LRRC4C: variants seen among roughly 807,000 people sequenced by gnomAD.
LRRC4C encodes the protein leucine rich repeat containing 4C.
A neutral mutation model predicts 33.6 loss-of-function variants in LRRC4C; 5 were observed. The ratio of observed to expected loss-of-function variants is 0.15; its 90% CI spans 0.08 to 0.31. The LOEUF (loss-of-function observed/expected upper bound fraction) is 0.31, where lower values mean the gene tolerates loss of function less well. Among genes scored for constraint, LRRC4C ranks in the 10% least tolerant of loss-of-function variants. The pLI is 1.00. For synonymous variants in LRRC4C, 329 were observed against 302.0 expected (o/e 1.09, Z -0.93); for missense variants, 560 against 796.7 (o/e 0.70, Z 3.58).
At chr11:40,666,113 G>C (rs1191380311) in intron 2 of LRRC4C, among the ~76,000 whole-genome samples, 2 of 151,822 alleles carry the variant, frequency 1.3e-5, no homozygotes, top group Admixed American at 6.6e-5. Context: ...AATGTTCTAC[G>C]GTACAGTTAT....
intron 1 of LRRC4C, among the ~76,000 whole-genome samples, chr11:41,343,513 AAT>A (rs941642872): frequency 4.6e-5 from 7 of 152,228 alleles, no homozygotes; most frequent in Admixed American, 3.9e-4. Flanking sequence ...ATATAATTCC[AAT>A]ATACTTAAAG....
intron 3 of LRRC4C, among the ~76,000 whole-genome samples, chr11:40,423,690 A>G (rs1950611572): frequency 6.6e-6 from 1 of 152,144 alleles, no homozygotes; most frequent in Non-Finnish European, 1.5e-5. Context: ...ATGTCCTCAC[A>G]TAGGTTTTCA....
At chr11:41,006,386 G>C (rs1854755377) in intron 1 of LRRC4C, among the ~76,000 whole-genome samples, 2 of 152,068 alleles carry the variant, frequency 1.3e-5, no homozygotes, top group Admixed American at 6.5e-5. Flanking sequence ...CCAGTGCTGT[G>C]GCAACCACAT....
At chr11:40,973,215 T>C (rs1266026069) in intron 1 of LRRC4C, among the ~76,000 whole-genome samples, 8 of 152,076 alleles carry the variant, frequency 5.3e-5, no homozygotes, top group African/African-American at 1.9e-4. Flanking sequence ...TATTGCAGTG[T>C]GAGGATGAAC....
chr11:40,606,475 CA>C (rs1445795174), intron 3 of LRRC4C, among the ~76,000 whole-genome samples: 1 of 151,440 alleles, frequency 6.6e-6, no homozygotes, highest in African/African-American at 2.4e-5. Context: ...GATTTTTTTT[CA>C]AATGAATGAT....
intron 5 of LRRC4C, among the ~76,000 whole-genome samples, chr11:40,179,065 G>T (rs1388341763): frequency 6.6e-6 from 1 of 151,418 alleles, no homozygotes; most frequent in Non-Finnish European, 1.5e-5. Flanking sequence ...ATTGCAGTGG[G>T]GCAATCTCGG....
At chr11:41,299,674 G>A (rs939609858) in intron 1 of LRRC4C, among the ~76,000 whole-genome samples, 5 of 151,906 alleles carry the variant, frequency 3.3e-5, no homozygotes, top group Admixed American at 6.6e-5. Context: ...TTATGCAGTC[G>A]GGCTGAATAA....
chr11:41,169,042 A>G (rs112109921), intron 1 of LRRC4C, among the ~76,000 whole-genome samples: 7 of 152,310 alleles, frequency 4.6e-5, no homozygotes, highest in African/African-American at 1.7e-4. Context: ...GATTTTAACT[A>G]ACTTTCTCAG....
intron 1 of LRRC4C, among the ~76,000 whole-genome samples, chr11:41,083,307 AG>A (rs1356518548): frequency 6.6e-6 from 1 of 152,110 alleles, no homozygotes; most frequent in African/African-American, 2.4e-5. Flanking sequence ...ACCATATGCG[AG>A]TTACCCATAC....
chr11:40,788,816 G>C (rs1950515125), intron 2 of LRRC4C, among the ~76,000 whole-genome samples: 1 of 152,060 alleles, frequency 6.6e-6, no homozygotes, highest in Non-Finnish European at 1.5e-5. Flanking sequence ...ATATTAGGCC[G>C]GGCACGGTGG....
At chr11:40,285,372 T>A (rs1191395545) in intron 4 of LRRC4C, among the ~76,000 whole-genome samples, 1 of 152,190 alleles carries the variant, frequency 6.6e-6, no homozygotes, top group Non-Finnish European at 1.5e-5. Context: ...CAGAGGCAGG[T>A]GATGGGATCG....
intron 3 of LRRC4C, among the ~76,000 whole-genome samples, chr11:40,488,431 TAG>T (rs769395085): frequency 3.3e-4 from 50 of 152,044 alleles, no homozygotes; most frequent in Non-Finnish European, 5.6e-4. Context: ...ATGGGGGAAA[TAG>T]AGTCTTTTTT....
At chr11:41,159,965 A>T (rs1200419996) in intron 1 of LRRC4C, among the ~76,000 whole-genome samples, 3 of 152,074 alleles carry the variant, frequency 2.0e-5, no homozygotes, top group Non-Finnish European at 4.4e-5. Context: ...AGGCATTAAC[A>T]AAAAAAGAAA....
At chr11:40,844,110 T>C (rs1219683777) in intron 2 of LRRC4C, among the ~76,000 whole-genome samples, 1 of 152,066 alleles carries the variant, frequency 6.6e-6, no homozygotes, top group Non-Finnish European at 1.5e-5. Flanking sequence ...AAAATAAATA[T>C]GGGATGTGTA....
chr11:40,486,154 T>TA (rs11415781), intron 3 of LRRC4C, among the ~76,000 whole-genome samples: 28,065 of 133,408 alleles, frequency 0.21, 2,917 homozygotes, highest in African/African-American at 0.26. Flanking sequence ...GACAAAAGTT[T>TA]AAAAAAAAAA....
Position 40,611,018 on chromosome 11 carries a change from G to T in LRRC4C, c.-270+37124C>A, listed in dbSNP as rs560126788. ...TGATTGTTTCTGCAGAAATGGAAAA[G>T]AAATAATCTTAAAATTTATATGGAA... On this transcript the variant is annotated intron_variant, in intron 3 of 6. Transcript: ENST00000528697. 3.3e-5 allele frequency among the ~76,000 whole-genome samples: 5 copies of T among 151,770 alleles called. No homozygotes were observed. The South Asian group carries it at 1.0e-3, about 31-fold the overall frequency.
chr11:40,780,949 A>C (rs1950188788), intron 2 of LRRC4C, among the ~76,000 whole-genome samples: 3 of 152,152 alleles, frequency 2.0e-5, no homozygotes, highest in Admixed American at 1.3e-4. Context: ...GTACATACAT[A>C]AACAGTCATG....
At chr11:40,694,893 G>C (rs1285106868) in intron 2 of LRRC4C, among the ~76,000 whole-genome samples, 1 of 151,806 alleles carries the variant, frequency 6.6e-6, no homozygotes, top group African/African-American at 2.4e-5. Flanking sequence ...TATCATCATC[G>C]TAGCCCCCTT....
intron 3 of LRRC4C, among the ~76,000 whole-genome samples, chr11:40,404,109 A>G (rs1239851157): frequency 6.6e-6 from 1 of 152,076 alleles, no homozygotes; most frequent in African/African-American, 2.4e-5. Context: ...TGGCAGTTTT[A>G]CTCTTTCTGC....
Sources: allele counts gnomAD v4.1 joint callset (sites outside exome capture counted in the v4.1 genomes callset), GRCh38; gene constraint gnomAD v4.1.1; transcripts MANE v1.5; gene names NCBI Gene and HGNC (gene_info 2026-07-23, HGNC 2026-07-21).